The following TEC variants were observed in gnomAD, a reference collection of about 807,000 sequenced individuals.
The protein encoded by TEC is tyrosine-protein kinase Tec.
In TEC, 72 loss-of-function variants were observed where a neutral mutation model predicts 93.0. The ratio of observed to expected loss-of-function variants is 0.77; its 90% CI spans 0.64 to 0.94. The LOEUF (loss-of-function observed/expected upper bound fraction) is 0.94, where lower values mean the gene tolerates loss of function less well. TEC is among the 40% of genes least tolerant of loss of function. The probability of loss-of-function intolerance (pLI) is 0.00; values close to 1 mark genes in which losing one functional copy is unlikely to be tolerated. For missense variants in TEC, 630 were observed against 757.9 expected (o/e 0.83, Z 1.98); for synonymous variants, 249 against 247.7 (o/e 1.01, Z -0.05).
chr4:48,171,957 A>T (rs1721131301), intron 3 of TEC, among the ~76,000 whole-genome samples: 1 of 152,216 alleles, frequency 6.6e-6, no homozygotes, highest in Non-Finnish European at 1.5e-5. Flanking sequence ...AAATGAGAAA[A>T]TAAAGGCCTA....
chr4:48,220,048 T>C (rs1723206826), intron 2 of TEC, among the ~76,000 whole-genome samples: 1 of 147,068 alleles, frequency 6.8e-6, no homozygotes, highest in African/African-American at 2.6e-5. Context: ...ACCTTTCTGA[T>C]TGTCTTGGTT....
At chr4:48,258,136 G>GT (rs912948438) in intron 1 of TEC, among the ~76,000 whole-genome samples, 2 of 109,214 alleles carry the variant, frequency 1.8e-5, no homozygotes, top group African/African-American at 3.4e-5. Flanking sequence ...TGAATGCATT[G>GT]TTTTTTTGGT....
chr4:48,218,396 A>C (rs1723146672), intron 2 of TEC, among the ~76,000 whole-genome samples: 1 of 152,108 alleles, frequency 6.6e-6, no homozygotes, highest in South Asian at 2.1e-4. Flanking sequence ...CTACCTCCTT[A>C]TGTGTCAGGA....
intron 7 of TEC, among the ~76,000 whole-genome samples, chr4:48,165,918 C>G (rs6845941): frequency 0.37 from 56,717 of 151,966 alleles, 11,618 homozygotes; most frequent in East Asian, 0.9. Flanking sequence ...CAGAGAAGCT[C>G]TTGCTCTAAC....
At chr4:48,229,839 C>T (rs1421287622) in intron 1 of TEC, among the ~76,000 whole-genome samples, 1 of 151,484 alleles carries the variant, frequency 6.6e-6, no homozygotes, top group East Asian at 1.9e-4. Flanking sequence ...TTTGGGAGGC[C>T]GAGGCAGGTG....
At position 48,171,439 on chromosome 4, in the gene TEC, T is replaced by A; in HGVS notation, c.254A>T (p.Asp85Val). The A allele has an allele frequency of 2.5e-6, 4 of 1,613,454 alleles. No homozygotes were observed. The highest frequency in any genetic ancestry group is 3.4e-6 in the Non-Finnish European group (4 of 1,179,766). Residue 85 changes from aspartate (D) to valine (V), a missense_variant, in exon 4 of 18, where the codon GAT (aspartate) becomes GTT (valine). By Grantham distance (152) the Asp-to-Val change is radical (BLOSUM62 -3). Around this residue, in one of 3 missense-constraint regions of TEC, gnomAD observed 335 missense variants for 351.5 expected, o/e 0.95. Coordinates refer to ENST00000381501, the MANE Select transcript of TEC (RefSeq NM_003215.3). ...QNKYPFQVVH[D>V]ANTLYIFAPS... is the part of the protein sequence containing the mutation. ...TGCAAAAATGTAAAGTGTGTTAGCA[T>A]CATGAACAACCTAAAATAAAACAAA... is the stretch of plus-strand genomic sequence containing the variant.
intron 1 of TEC, among the ~76,000 whole-genome samples, chr4:48,246,849 G>T (rs1221441320): frequency 6.6e-6 from 1 of 152,092 alleles, no homozygotes; most frequent in Admixed American, 6.6e-5. Context: ...TTAAGCAATG[G>T]TTTCTTAAAT....
intron 1 of TEC, among the ~76,000 whole-genome samples, chr4:48,259,546 C>A (rs2353296): frequency 0.11 from 17,067 of 151,736 alleles, 1,145 homozygotes; most frequent in East Asian, 0.24. Context: ...CAAAAGCTCA[C>A]CTCTACTAAA....
intron 1 of TEC, among the ~76,000 whole-genome samples, chr4:48,236,353 C>G (rs1303271290): frequency 2.0e-5 from 3 of 151,918 alleles, no homozygotes; most frequent in African/African-American, 7.3e-5. Flanking sequence ...GCAATCTCGG[C>G]TCATGGCAAG....
chr4:48,179,354 ATATATATATATATATATATATATT>A (rs1721471063), intron 2 of TEC, among the ~76,000 whole-genome samples: 4 of 32,218 alleles, frequency 1.2e-4, no homozygotes, highest in Non-Finnish European at 2.5e-4. Flanking sequence ...ATATATATAT[ATATATATATATATATATATATATT>A]TTTTTTTTTT....
At chr4:48,227,963 G>A (rs1723528910) in intron 2 of TEC, among the ~76,000 whole-genome samples, 1 of 152,106 alleles carries the variant, frequency 6.6e-6, no homozygotes, top group African/African-American at 2.4e-5. Flanking sequence ...TTTTTAGTGA[G>A]CTGCTTTCTC....
At chr4:48,254,544 G>T (rs1238688844) in intron 1 of TEC, among the ~76,000 whole-genome samples, 2 of 152,230 alleles carry the variant, frequency 1.3e-5, no homozygotes, top group Non-Finnish European at 2.9e-5. Context: ...AGGCTTGAGA[G>T]TACATAGAAA....
In TEC at chr4:48,217,382, G is replaced by A. The variant is rs149574878; in HGVS notation, c.138+11095C>T. ...CTCCCAAAGTGCTGGGATTACAGGC[G>A]TGAGATACCGCGCCCAGCCAGTAAT... On this transcript the variant is annotated intron_variant, in intron 2 of 17. Transcript: ENST00000381501. 7.0e-3 allele frequency among the ~76,000 whole-genome samples: 1,067 copies of A among 152,274 alleles called. 11 individuals are homozygous for A. Among genetic ancestry groups the A allele is most frequent in the African/African-American group, 0.024 (999 of 41,562 alleles).
At chr4:48,256,747 T>C (rs1724357498) in intron 1 of TEC, among the ~76,000 whole-genome samples, 1 of 152,168 alleles carries the variant, frequency 6.6e-6, no homozygotes, top group Non-Finnish European at 1.5e-5. Flanking sequence ...CAGAATTTTG[T>C]AGTGTATAAC....
intron 4 of TEC, 80 bp from the exon 5 acceptor site, chr4:48,170,456 T>C (rs1395767929): frequency 5.0e-6 from 5 of 1,000,804 alleles, no homozygotes; most frequent in Admixed American, 2.6e-5. Context: ...GTGTCGATCA[T>C]TACTTATTTC....
chr4:48,159,018 T>A (rs902282969), intron 8 of TEC, among the ~76,000 whole-genome samples: 1 of 151,710 alleles, frequency 6.6e-6, no homozygotes, highest in Non-Finnish European at 1.5e-5. Context: ...ATGGTCGGGA[T>A]TTTCTAACAG....
chr4:48,146,512 C>T (rs1719918077), intron 11 of TEC, 113 bp from the exon 12 acceptor site: 1 of 911,076 alleles, frequency 1.1e-6, no homozygotes, highest in Admixed American at 1.9e-5. Flanking sequence ...ACTGCTCATC[C>T]TCTGTGTGTA....
intron 1 of TEC, among the ~76,000 whole-genome samples, chr4:48,234,809 G>T (rs1342804813): frequency 2.6e-5 from 4 of 152,110 alleles, no homozygotes; most frequent in Non-Finnish European, 5.9e-5. Context: ...ATGGTAGTAG[G>T]AGGAGAAGGA....
chr4:48,237,411 T>C (rs1325128918), intron 1 of TEC, among the ~76,000 whole-genome samples: 2 of 151,706 alleles, frequency 1.3e-5, no homozygotes, highest in Admixed American at 6.6e-5. Context: ...TGACTTTTCA[T>C]ACTATTTTAA....
Sources: gnomAD v4.1 joint callset for allele counts (sites outside exome capture counted in the v4.1 genomes callset) on GRCh38, gnomAD v4.1.1 for gene constraint, gnomAD v4.1.1 regional missense constraint, MANE v1.5 for transcripts, NCBI Gene and HGNC (gene_info 2026-07-23, HGNC 2026-07-21) for gene names.